The following ATG13 variants were observed in gnomAD, a reference collection of about 807,000 sequenced individuals.
ATG13 encodes autophagy-related protein 13.
A neutral mutation model predicts 65.5 loss-of-function variants in ATG13; 23 were observed. The ratio of observed to expected loss-of-function variants is 0.35; its 90% CI spans 0.25 to 0.50. ATG13 has a LOEUF of 0.50. Ranked by LOEUF, ATG13 falls within the 20% of genes least tolerant of loss-of-function variation. The pLI is 0.98. For missense variants in ATG13, 566 were observed against 677.0 expected (o/e 0.84, Z 1.82); for synonymous variants, 252 against 245.2 (o/e 1.03, Z -0.26).
intron 7 of ATG13, among the ~76,000 whole-genome samples, chr11:46,651,512 G>C (rs1280304117): frequency 2.0e-5 from 3 of 152,218 alleles, no homozygotes; most frequent in African/African-American, 7.2e-5. Flanking sequence ...TGTGAGAGAA[G>C]AGCTTGGAAT....
intron 11 of ATG13, among the ~76,000 whole-genome samples, chr11:46,661,006 A>G (rs540920734): frequency 4.9e-4 from 74 of 151,032 alleles, no homozygotes; most frequent in African/African-American, 1.7e-3. Context: ...CCCCACACCC[A>G]GCCCTTCTGT....
intron 11 of ATG13, 25 bp downstream of exon 11, chr11:46,659,510 GGTGGTA>G: frequency 6.3e-7 from 1 of 1,579,410 alleles, no homozygotes; most frequent in Non-Finnish European, 8.7e-7. Flanking sequence ...GTTCTGGGGT[GGTGGTA>G]GTTATTTGGT....
intron 2 of ATG13, among the ~76,000 whole-genome samples, chr11:46,637,881 T>G (rs969253762): frequency 1.3e-5 from 2 of 152,110 alleles, no homozygotes; most frequent in East Asian, 1.9e-4. Context: ...TGTGATTGGT[T>G]AGGAGGTGCA....
At chr11:46,670,223 C>G (rs953492867) in intron 18 of ATG13, among the ~76,000 whole-genome samples, 2 of 152,186 alleles carry the variant, frequency 1.3e-5, no homozygotes, top group Admixed American at 1.3e-4. Context: ...TGGCTCACGC[C>G]TGTAATCCCA....
rs944507889 is a variant in ATG13, at chr11:46,672,520, C to G, written c.*188C>G. 24 of 1,466,474 alleles carry G rather than the reference C, an allele frequency of 1.6e-5. No homozygotes were observed. In the South Asian group the frequency reaches 3.1e-4, roughly 19 times the overall value. 90.8% of individuals were successfully genotyped at this position (1,466,474 alleles called of 1,614,324 possible). ...GAGACTCCGTGGCGGCAGTCAAGCC[C>G]AGTGCCCAGTTGGAGAAGACTCACG... On this transcript the variant is annotated 3_prime_UTR_variant, in exon 19 of 19. Coordinates refer to ENST00000683050, the MANE Select transcript of ATG13 (RefSeq NM_001346311.2).
chr11:46,639,579 A>G (rs2055180910), intron 2 of ATG13, among the ~76,000 whole-genome samples: 1 of 152,140 alleles, frequency 6.6e-6, no homozygotes, highest in Non-Finnish European at 1.5e-5. Context: ...ACTGGGTTGC[A>G]GCAGAGAAAA....
At chr11:46,629,921 A>G (rs573630712) in intron 1 of ATG13, 124 bp from the exon 2 acceptor site, 5 of 152,154 alleles carry the variant, frequency 3.3e-5, no homozygotes, top group African/African-American at 9.6e-5. Context: ...TGTCGTCCCA[A>G]AGATACTAAG....
chr11:46,669,021 G>C (rs936013602), intron 17 of ATG13, 111 bp downstream of exon 17: 8 of 927,396 alleles, frequency 8.6e-6, no homozygotes, highest in Non-Finnish European at 1.3e-5. Flanking sequence ...TGCTGGTGTA[G>C]ACAGAAGGGA....
Position 46,664,066 on chromosome 11 carries a change from C to T in ATG13, c.859C>T (p.Pro287Ser), listed in dbSNP as rs749114359. 1 of 1,597,398 alleles carries T rather than the reference C, an allele frequency of 6.3e-7. No homozygotes were observed. The highest frequency in any genetic ancestry group is 8.5e-7 in the Non-Finnish European group (1 of 1,179,528). ...TPVVTDTLRV[P>S]MAGLAFSHQL... ...TGTGGTGACGGACACCCTGAGGGTCCCCATGGCAGGACTGGCCTTTTCCCA... is the reference window on the plus strand; with the variant it reads ...TGTGGTGACGGACACCCTGAGGGTCTCCATGGCAGGACTGGCCTTTTCCCA... Residue 287 changes from proline to serine, a missense_variant, in exon 12 of 19, where the codon CCC becomes TCC. By Grantham distance (74) the Pro-to-Ser change is moderately conservative. Coordinates refer to ENST00000683050, the MANE Select transcript of ATG13 (RefSeq NM_001346311.2).
At chr11:46,640,067 A>G (rs974335559) in intron 2 of ATG13, among the ~76,000 whole-genome samples, 2 of 151,314 alleles carry the variant, frequency 1.3e-5, no homozygotes, top group Non-Finnish European at 2.9e-5. Context: ...CTGGTCTCAA[A>G]CTCTTGGACT....
intron 5 of ATG13, among the ~76,000 whole-genome samples, chr11:46,648,516 C>T (rs186139861): frequency 3.1e-4 from 47 of 152,130 alleles, no homozygotes; most frequent in Non-Finnish European, 3.7e-4. Flanking sequence ...CAGTGGCTTA[C>T]GCCTGTAATC....
At chr11:46,625,269 CTTTTTTTTTTTTTT>C (rs59095357) in intron 1 of ATG13, 1 of 84,386 alleles carries the variant, frequency 1.2e-5, no homozygotes, top group Non-Finnish European at 2.2e-5. Flanking sequence ...CTTGCTCTTT[CTTTTTTTTTTTTTT>C]TTTTTTTTTT....
chr11:46,656,712 C>T (rs2060112523), intron 8 of ATG13, among the ~76,000 whole-genome samples: 1 of 152,184 alleles, frequency 6.6e-6, no homozygotes. Context: ...GTTTGTGTGA[C>T]ATTCTAGTGC....
intron 2 of ATG13, among the ~76,000 whole-genome samples, chr11:46,641,260 C>T (rs1168293274): frequency 8.5e-5 from 13 of 152,110 alleles, no homozygotes; most frequent in African/African-American, 2.4e-4. Context: ...TTAGTAGAGA[C>T]GGGGTTTCAC....
At chr11:46,620,908 TGAAA>T (rs2047290050) in intron 1 of ATG13, 1 of 152,156 alleles carries the variant, frequency 6.6e-6, no homozygotes, top group East Asian at 1.9e-4. Flanking sequence ...AAAAATAAAA[TGAAA>T]GAAGTAATAA....
intron 2 of ATG13, among the ~76,000 whole-genome samples, chr11:46,633,274 C>G (rs1253560263): frequency 2.0e-5 from 3 of 150,914 alleles, no homozygotes; most frequent in Non-Finnish European, 4.4e-5. Flanking sequence ...ACCTGCCTCA[C>G]CCTCCCAAAG....
chr11:46,647,267 TTTTGTTTTTTTTG>T (rs1169227595), intron 5 of ATG13, among the ~76,000 whole-genome samples: 2 of 104,016 alleles, frequency 1.9e-5, no homozygotes, highest in Admixed American at 1.3e-4. Flanking sequence ...CTTTTTGGGT[TTTTGTTTTTTTTG>T]TTTTTTTTTT....
chr11:46,625,568 A>C (rs775077103), intron 1 of ATG13, among the ~76,000 whole-genome samples: 1 of 152,102 alleles, frequency 6.6e-6, no homozygotes, highest in African/African-American at 2.4e-5. Flanking sequence ...TGGCCAAGGC[A>C]TACAAATTTA....
intron 11 of ATG13, among the ~76,000 whole-genome samples, chr11:46,660,723 A>T (rs376869514): frequency 0.077 from 10,592 of 136,806 alleles, 540 homozygotes; most frequent in Non-Finnish European, 0.12. Flanking sequence ...TTTTTTTTTA[A>T]TTTGAAACAG....
Sources: allele counts gnomAD v4.1 joint callset (sites outside exome capture counted in the v4.1 genomes callset), GRCh38; gene constraint gnomAD v4.1.1; transcripts MANE v1.5; gene names NCBI Gene and HGNC (gene_info 2026-07-23, HGNC 2026-07-21).